The following SZT2 variants were observed in gnomAD, a reference collection of about 807,000 sequenced individuals.
The protein encoded by SZT2 is SZT2 subunit of KICSTOR complex.
A neutral mutation model predicts 404.2 loss-of-function variants in SZT2; 216 were observed. The ratio of observed to expected loss-of-function variants is 0.53; its 90% CI spans 0.48 to 0.60. The LOEUF (loss-of-function observed/expected upper bound fraction) is 0.60. Ranked by LOEUF, SZT2 falls within the 20% of genes least tolerant of loss-of-function variation. SZT2 has a pLI of 0.00. For synonymous variants in SZT2, 1,693 were observed against 1,749.9 expected (o/e 0.97, Z 0.81); for missense variants, 3,857 against 4,459.2 (o/e 0.86, Z 3.85).
chr1:43,437,380 TTCC>T lies in SZT2; in HGVS notation c.6188-24_6188-22del. ...ATTGGAAGGATCTGGAAAAGGCAGT[TTCC>T]TGAGCCCATGTTATTCCCCCAGCCA... On this transcript the variant is annotated intron_variant, in intron 43 of 71. Coordinates refer to ENST00000634258, the MANE Select transcript of SZT2 (RefSeq NM_001365999.1). The surrounding 1 kb of genome is among the most constrained non-coding windows in gnomAD (Gnocchi z 5.3). The T allele has an allele frequency of 6.2e-7, 1 of 1,614,056 alleles. No homozygotes were observed. The highest frequency in any genetic ancestry group is 8.5e-7 in the Non-Finnish European group (1 of 1,179,968).
In SZT2 at chr1:43,442,139, A is replaced by T. The variant is rs765369419; in HGVS notation, c.7873+9A>T. The T allele has an allele frequency of 6.3e-6, 7 of 1,114,254 alleles. No homozygotes were observed. In the South Asian group the frequency reaches 7.3e-5, roughly 12 times the overall value. The allele number at this position is 1,114,254 out of a possible 1,614,324, so 69.0% of individuals were successfully genotyped here. A position where few individuals can be genotyped will look rare whatever the true frequency, so the allele number is the denominator to read the frequency against. ...GAGACCAACACAGCAGGGTGAGGGC[A>T]TGGCCCGGGGGGGCGGGGGGCGGGT... On this transcript the variant is annotated intron_variant, in intron 56 of 71. Transcript: ENST00000634258. This position sits in a 1 kb window ranked among gnomAD's most constrained non-coding sequence, Gnocchi z 4.5.
chr1:43,397,947 A>C (rs931189126), intron 1 of SZT2, among the ~76,000 whole-genome samples: 1 of 152,204 alleles, frequency 6.6e-6, no homozygotes, highest in Non-Finnish European at 1.5e-5. Flanking sequence ...AGGTTCATTT[A>C]TTAAACCTAG....
intron 6 of SZT2, 38 bp from the exon 7 acceptor site, chr1:43,416,497 C>T (rs1651736505): frequency 6.4e-7 from 1 of 1,564,602 alleles, no homozygotes; most frequent in African/African-American, 1.3e-5. Context: ...TTGGTCTGGC[C>T]AGTGTCTCCA....
Position 43,443,346 on chromosome 1 carries a change from C to A in SZT2, c.8500-6C>A, listed in dbSNP as rs376269256. The stretch of plus-strand genomic sequence containing the variant: ...CTGCTCCATGCTCACTGCCCTGTTT[C>A]CCCAGGCTGGAGAGCTGGAGACCCT... On this transcript the variant is annotated splice_region_variant and splice_polypyrimidine_tract_variant and intron_variant, in intron 60 of 71. Transcript: ENST00000634258. The A allele has an allele frequency of 1.2e-5, 20 of 1,614,064 alleles. No individual in the cohort carries two copies. The highest frequency in any genetic ancestry group is 1.7e-5 in the Non-Finnish European group (20 of 1,180,026).
rs1656432836 is a variant in SZT2, at chr1:43,451,604, TG to T, written c.*1125del. 1 of 1,613,674 alleles carries T rather than the reference TG, an allele frequency of 6.2e-7. No homozygotes were observed. Among genetic ancestry groups the T allele is most frequent in the East Asian group, 2.2e-5 (1 of 44,860 alleles). On this transcript the variant is annotated 3_prime_UTR_variant, in exon 72 of 72. Coordinates refer to ENST00000634258, the MANE Select transcript of SZT2 (RefSeq NM_001365999.1). ...CTCCTGCCAGGGCCTGAAGGACAGATGTGGGGATTGAAAGGGTGGGAGGGCA... is the reference window on the plus strand; with the variant it reads ...CTCCTGCCAGGGCCTGAAGGACAGATTGGGGATTGAAAGGGTGGGAGGGCA...
At position 43,447,584 on chromosome 1, in the gene SZT2, A is replaced by C. The variant is rs1655832406; in HGVS notation, c.9326A>C (p.Gln3109Pro). 6.2e-7 allele frequency: 1 copy of C among 1,614,152 alleles called. No homozygotes were observed. The highest frequency in any genetic ancestry group is 2.2e-5 in the East Asian group (1 of 44,880). The change falls in exon 67 of 72, where the codon CAG becomes CCG. Residue 3109 changes from glutamine (Q) to proline (P), a missense_variant. Coordinates refer to ENST00000634258, the MANE Select transcript of SZT2 (RefSeq NM_001365999.1). ...CCCACACCACTCATTGCTGCCCACC[A>C]GCTATACAACTACGTGGCTGATCAC... ...ELPTPLIAAHQLYNYVADHAS... is the reference protein window; with the variant it reads ...ELPTPLIAAHPLYNYVADHAS...
Position 43,450,081 on chromosome 1 carries a change from CCCT to C in SZT2, c.10087-17_10087-15del, listed in dbSNP as rs753076719. On this transcript the variant is annotated intron_variant, in intron 70 of 71. Transcript: ENST00000634258. This position sits in a 1 kb window ranked among gnomAD's most constrained non-coding sequence, Gnocchi z 4.3. ...TGGGAGGGTCTGTAGGGTCTGTGTC[CCCT>C]CCTCATCTTTCACTGCAGGTTGTGC... is the stretch of plus-strand genomic sequence containing the variant. 1.4e-5 allele frequency: 23 copies of C among 1,613,880 alleles called. No homozygotes were observed. Among genetic ancestry groups the C allele is most frequent in the Admixed American group, 3.3e-5 (2 of 60,000 alleles).
intron 35 of SZT2, 92 bp downstream of exon 35, chr1:43,431,615 C>A: frequency 6.3e-7 from 1 of 1,597,366 alleles, no homozygotes; most frequent in Non-Finnish European, 8.6e-7. Context: ...AGAAGTGAGG[C>A]CTCTCTCAGT....
chr1:43,446,916 G>A, intron 65 of SZT2, 39 bp from the exon 66 acceptor site: 1 of 1,585,762 alleles, frequency 6.3e-7, no homozygotes, highest in Non-Finnish European at 8.6e-7. Flanking sequence ...AGCCAGTGCA[G>A]CCATACCTTA....
rs746449583 is a variant in SZT2 at position 43,452,001 on chromosome 1, C to T, written c.*1521C>T. The T allele has an allele frequency of 3.7e-6, 6 of 1,608,586 alleles. No homozygotes were observed. The Admixed American group carries it at 8.4e-5, about 22-fold the overall frequency. On this transcript the variant is annotated 3_prime_UTR_variant, in exon 72 of 72. Coordinates refer to ENST00000634258, the MANE Select transcript of SZT2 (RefSeq NM_001365999.1). ...CGGGTGTTGATGGGCTCCAGCAGTC[C>T]CACGAGGTCCTCCTAGCAGCATGTC...
In SZT2 at chr1:43,453,502, A is replaced by T. The variant is rs1396322838; in HGVS notation, c.*3022A>T. On this transcript the variant is annotated 3_prime_UTR_variant, in exon 72 of 72. Coordinates refer to ENST00000634258, the MANE Select transcript of SZT2 (RefSeq NM_001365999.1). ...TTTCCCCCTTCTCTTGGTCTCCTGC[A>T]GAGAGAACGGGCCTCAGCCCCCGGC... The T allele has an allele frequency of 3.2e-6, 5 of 1,547,838 alleles. No homozygotes were observed. In the African/African-American group the frequency reaches 6.8e-5, roughly 21 times the overall value.
At chr1:43,392,538 C>A (rs1648522680) in intron 1 of SZT2, among the ~76,000 whole-genome samples, 1 of 152,108 alleles carries the variant, frequency 6.6e-6, no homozygotes, top group Non-Finnish European at 1.5e-5. Flanking sequence ...CCTCAGCCTC[C>A]CAAGTAGCTG....
chr1:43,432,811 G>A lies in SZT2; in HGVS notation c.5602+12G>A, dbSNP rs1242288994. ...CTCAGACCACCTAGGTAAGCTGGGG[G>A]GACGGGGTGAAGGACTCTAAGCTGA... On this transcript the variant is annotated intron_variant, in intron 39 of 71. Coordinates refer to ENST00000634258, the MANE Select transcript of SZT2 (RefSeq NM_001365999.1). The A allele has an allele frequency of 1.2e-6, 2 of 1,613,400 alleles. No homozygotes were observed. Among genetic ancestry groups the A allele is most frequent in the South Asian group, 1.1e-5 (1 of 90,988 alleles).
At chr1:43,440,170 A>G in intron 51 of SZT2, 122 bp downstream of exon 51, 1 of 1,362,762 alleles carries the variant, frequency 7.3e-7, no homozygotes, top group Non-Finnish European at 1.0e-6. Flanking sequence ...ACTACATCAG[A>G]ACCACTTATT....
Position 43,451,992 on chromosome 1 carries a change from C to T in SZT2, c.*1512C>T. 6.2e-7 allele frequency: 1 copy of T among 1,610,206 alleles called. No individual in the cohort carries two copies. Among genetic ancestry groups the T allele is most frequent in the South Asian group, 1.1e-5 (1 of 90,772 alleles). On this transcript the variant is annotated 3_prime_UTR_variant, in exon 72 of 72. Transcript: ENST00000634258. ...TCAGTGATGCGGGTGTTGATGGGCT[C>T]CAGCAGTCCCACGAGGTCCTCCTAG... is the stretch of plus-strand genomic sequence containing the variant.
chr1:43,393,572 A>G (rs527768070), intron 1 of SZT2, among the ~76,000 whole-genome samples: 2 of 152,328 alleles, frequency 1.3e-5, no homozygotes, highest in African/African-American at 4.8e-5. Context: ...ACTTTGATGT[A>G]TAGTGGTAAG....
intron 4 of SZT2, chr1:43,405,407 C>A (rs1158155066): frequency 1.3e-5 from 2 of 152,104 alleles, no homozygotes; most frequent in Non-Finnish European, 2.9e-5. Context: ...AGGAGGCTAT[C>A]ACAAGACACT....
intron 4 of SZT2, chr1:43,410,399 A>C (rs1290094227): frequency 6.6e-6 from 1 of 151,870 alleles, no homozygotes; most frequent in Non-Finnish European, 1.5e-5. Flanking sequence ...AAAAAACTAC[A>C]AAAAAACTAG....
In SZT2 at chr1:43,450,053, C is replaced by A. The variant is rs571764698; in HGVS notation, c.10087-50C>A. On this transcript the variant is annotated intron_variant, in intron 70 of 71. Coordinates refer to ENST00000634258, the MANE Select transcript of SZT2 (RefSeq NM_001365999.1). The surrounding 1 kb of genome is among the most constrained non-coding windows in gnomAD (Gnocchi z 4.3). ...CATCCTCCCTTCACCTCAGGATGCC[C>A]TGTGGGAGGGTCTGTAGGGTCTGTG... 1 of 1,610,550 alleles carries A rather than the reference C, an allele frequency of 6.2e-7. No individual in the cohort carries two copies.
Sources: allele counts gnomAD v4.1 joint callset (sites outside exome capture counted in the v4.1 genomes callset), GRCh38; gene constraint gnomAD v4.1.1; non-coding constraint Gnocchi (gnomAD v3.1); transcripts MANE v1.5; gene names NCBI Gene and HGNC (gene_info 2026-07-23, HGNC 2026-07-21).